Variants in SLFN14 observed in about 807,000 individuals in gnomAD.
The protein encoded by SLFN14 is schlafen family member 14, also known as protein SLFN14.
SLFN14 carries 47 observed loss-of-function variants against 58.6 expected under a neutral mutation model. That is an observed-to-expected ratio of 0.80 (90% CI 0.64 to 1.02). The LOEUF is 1.02. Ranked by LOEUF, SLFN14 falls within the 50% of genes least tolerant of loss-of-function variation. The pLI, the probability that SLFN14 is intolerant of heterozygous loss-of-function variation, is 0.00. For synonymous variants in SLFN14, 390 were observed against 387.3 expected, an observed-to-expected ratio of 1.01 and a Z score of -0.08; for missense variants, 967 against 1,078.4, an observed-to-expected ratio of 0.90 and a Z score of 1.45.
rs1229483295 is a variant in SLFN14, at chr17:35,553,251, T to C, written c.1383A>G (p.Ile461Met). 2 of 1,551,556 alleles carry C rather than the reference T, an allele frequency of 1.3e-6. No homozygotes were observed. Among genetic ancestry groups the C allele is most frequent in the African/African-American group, 1.4e-5 (1 of 73,028 alleles). ...EQNVLCDALLIAVNSPVVLYT... is the reference protein window; with the variant it reads ...EQNVLCDALLMAVNSPVVLYT... ...AGAGTACCACGGGGCTGTTAACTGC[T>C]ATCAGGAGAGCATCACACAGGACAT... Residue 461 changes from isoleucine (I) to methionine (M), a missense_variant, in exon 5 of 6, where the codon ATA becomes ATG. Ile to Met is a conservative substitution (Grantham distance 10). Coordinates refer to ENST00000674182, the MANE Select transcript of SLFN14 (RefSeq NM_001129820.2).
At chr17:35,560,392 C>G (rs1232426009) in intron 1 of SLFN14, among the ~76,000 whole-genome samples, 1 of 152,188 alleles carries the variant, frequency 6.6e-6, no homozygotes, top group African/African-American at 2.4e-5. Context: ...GTGGCACGAT[C>G]TCTTGGCTCA....
chr17:35,557,185 G>A lies in SLFN14; in HGVS notation c.878C>T (p.Thr293Ile), dbSNP rs778932655. The change falls in exon 3 of 6, where the codon ACT becomes ATT. Residue 293 changes from threonine to isoleucine, a missense_variant. Coordinates refer to ENST00000674182, the MANE Select transcript of SLFN14 (RefSeq NM_001129820.2). ...FCCEKPKVNFTTKILNVYQKD... is the reference protein window; with the variant it reads ...FCCEKPKVNFITKILNVYQKD... ...TTGGTACACATTCAGGATTTTTGTA[G>A]TGAAATTTACCTTTGGCTTCTCACA... is the stretch of plus-strand genomic sequence containing the variant. 40 of 1,551,600 alleles carry A rather than the reference G, an allele frequency of 2.6e-5. 1 individual carries two copies. Among genetic ancestry groups the A allele is most frequent in the Non-Finnish European group, 3.4e-5 (39 of 1,147,008 alleles).
rs1350939932 is a variant in SLFN14 at position 35,547,833 on chromosome 17, T to C, written c.*406A>G. Among the ~76,000 whole-genome samples, 1 of 152,122 alleles carries C rather than the reference T, an allele frequency of 6.6e-6. No individual in the cohort carries two copies. The highest frequency in any genetic ancestry group is 1.9e-4 in the East Asian group (1 of 5,194). ...GATGGAGATACAATAAAGGATGTGG[T>C]TGGGAGAGCAAGTCAGGGCATATTA... On this transcript the variant is annotated 3_prime_UTR_variant, in exon 6 of 6. Coordinates refer to ENST00000674182, the MANE Select transcript of SLFN14 (RefSeq NM_001129820.2).
chr17:35,551,520 T>C (rs899361430), intron 5 of SLFN14, among the ~76,000 whole-genome samples: 1 of 152,218 alleles, frequency 6.6e-6, no homozygotes, highest in Non-Finnish European at 1.5e-5. Context: ...TTCTTCCTTT[T>C]GTTATCGGAG....
rs1414584873 is a variant in SLFN14, at chr17:35,557,643, G to A, written c.420C>T (p.Asn140=). The change falls in exon 3 of 6, where the codon AAC becomes AAT. Residue 140 remains asparagine (N), a synonymous_variant. Coordinates refer to ENST00000674182, the MANE Select transcript of SLFN14 (RefSeq NM_001129820.2). ...GCTCCAGGGCACTGCTAGCACTCAA[G>A]TTGATAGCAGAAGTCACATCTCTCC... ...LYRRDVTSAI[N]LSASSALELL... 6.4e-7 allele frequency: 1 copy of A among 1,551,696 alleles called. No individual in the cohort carries two copies.
intron 3 of SLFN14, among the ~76,000 whole-genome samples, chr17:35,555,324 A>G (rs2072641254): frequency 6.6e-6 from 1 of 151,752 alleles, no homozygotes; most frequent in Non-Finnish European, 1.5e-5. Context: ...GTGAGCCGAG[A>G]TAGCGCCACT....
chr17:35,556,528 G>A (rs960635245), intron 3 of SLFN14, among the ~76,000 whole-genome samples: 2 of 152,172 alleles, frequency 1.3e-5, no homozygotes, highest in African/African-American at 4.8e-5. Flanking sequence ...GCTCACACCT[G>A]TAATCCCAGC....
chr17:35,557,488 T>C lies in SLFN14; in HGVS notation c.575A>G (p.Lys192Arg), dbSNP rs1268103718. The change falls in exon 3 of 6, where the codon AAA (lysine) becomes AGA (arginine). Residue 192 changes from lysine (K) to arginine (R), a missense_variant. Physicochemically the swap from Lys to Arg is conservative, Grantham distance 26. Coordinates refer to ENST00000674182, the MANE Select transcript of SLFN14 (RefSeq NM_001129820.2). ...DMRILASEFF[K>R]KDKLMYKEKL... ...CTCCTTATACATGAGTTTGTCCTTT[T>C]TAAAAAATTCTGAGGCCAATATCCT... 19 of 1,551,562 alleles carry C rather than the reference T, an allele frequency of 1.2e-5. No individual in the cohort carries two copies. The highest frequency in any genetic ancestry group is 1.7e-5 in the Non-Finnish European group (19 of 1,146,990).
chr17:35,554,820 T>C, intron 3 of SLFN14, 116 bp from the exon 4 acceptor site: 1 of 872,596 alleles, frequency 1.1e-6, no homozygotes, highest in Non-Finnish European at 1.6e-6. Flanking sequence ...CATGGGTGCC[T>C]GAGCAGTCGT....
intron 2 of SLFN14, 128 bp from the exon 3 acceptor site, chr17:35,558,234 T>G: frequency 1.5e-6 from 1 of 682,646 alleles, no homozygotes; most frequent in Non-Finnish European, 2.4e-6. Flanking sequence ...TATATGTATA[T>G]TTGTTGTTGT....
Position 35,547,531 on chromosome 17 carries a change from G to A in SLFN14, c.*708C>T, listed in dbSNP as rs982222509. Among the ~76,000 whole-genome samples the A allele has an allele frequency of 1.3e-5, 2 of 152,178 alleles. No homozygotes were observed. The highest frequency in any genetic ancestry group is 4.8e-5 in the African/African-American group (2 of 41,444). ...AGCATTTGACCCACTTATGACTATGGTCCTCACTATAAATTAACAGAGTAA... is the reference window on the plus strand; with the variant it reads ...AGCATTTGACCCACTTATGACTATGATCCTCACTATAAATTAACAGAGTAA... On this transcript the variant is annotated 3_prime_UTR_variant, in exon 6 of 6. Coordinates refer to ENST00000674182, the MANE Select transcript of SLFN14 (RefSeq NM_001129820.2).
Position 35,557,095 on chromosome 17 carries a change from G to C in SLFN14, c.968C>G (p.Ala323Gly). The stretch of plus-strand genomic sequence containing the variant: ...CATGATCCAGGAATCTGGGGCCTCT[G>C]CAAACACCACGCAACAGAAGGGCTC... ...QVEPFCCVVF[A>G]EAPDSWIMKD... The change falls in exon 3 of 6, where the codon GCA becomes GGA. Residue 323 changes from alanine to glycine, a missense_variant. Transcript: ENST00000674182. 1 of 1,551,640 alleles carries C rather than the reference G, an allele frequency of 6.4e-7. No individual in the cohort carries two copies. Among genetic ancestry groups the C allele is most frequent in the Non-Finnish European group, 8.7e-7 (1 of 1,146,974 alleles).
chr17:35,553,446 T>C lies in SLFN14; in HGVS notation c.1190-2A>G. On this transcript the variant is annotated splice_acceptor_variant, in intron 4 of 5. Coordinates refer to ENST00000674182, the MANE Select transcript of SLFN14 (RefSeq NM_001129820.2). LOFTEE classifies it high-confidence loss of function. ...TAAATTGTACCTCTTCCTGTGTCAC[T>C]GAAAATTCAAGGAATAGATGTTACC... is the stretch of plus-strand genomic sequence containing the variant. The C allele has an allele frequency of 6.5e-7, 1 of 1,527,224 alleles. No homozygotes were observed. The highest frequency in any genetic ancestry group is 8.8e-7 in the Non-Finnish European group (1 of 1,134,618). 94.6% of individuals were successfully genotyped at this position (1,527,224 alleles called of 1,614,324 possible). A position where few individuals can be genotyped will look rare whatever the true frequency, so the allele number is the denominator to read the frequency against.
chr17:35,552,078 T>C (rs2072594548), intron 5 of SLFN14, among the ~76,000 whole-genome samples: 1 of 152,148 alleles, frequency 6.6e-6, no homozygotes, highest in Non-Finnish European at 1.5e-5. Context: ...AATCCATGAG[T>C]AAAATCTACC....
chr17:35,546,793 G>C lies in SLFN14; in HGVS notation c.*1446C>G, dbSNP rs2072537662. On this transcript the variant is annotated 3_prime_UTR_variant, in exon 6 of 6. Coordinates refer to ENST00000674182, the MANE Select transcript of SLFN14 (RefSeq NM_001129820.2). ...AGGTAGTAGGCATTTGAAAAAGGAT[G>C]TGATTGCCAAGTAAGGATTTCAAAG... Among the ~76,000 whole-genome samples, 1 of 152,164 alleles carries C rather than the reference G, an allele frequency of 6.6e-6. No individual in the cohort carries two copies. The highest frequency in any genetic ancestry group is 1.5e-5 in the Non-Finnish European group (1 of 68,028).
In SLFN14 at chr17:35,549,004, G is replaced by T; in HGVS notation, c.1974C>A (p.His658Gln). Residue 658 changes from histidine (H) to glutamine (Q), a missense_variant, in exon 6 of 6, where the codon CAC (histidine) becomes CAA (glutamine). Physicochemically the swap from His to Gln is conservative, Grantham distance 24. Transcript: ENST00000674182. ...FMQGEFLKIK[H>Q]IVMDETENFC... is the part of the protein sequence containing the mutation. Reference sequence around the variant, plus strand: ...AATTCTCAGTCTCATCCATCACTATGTGTTTAATCTTTAGAAACTCCCCTT... The same window carrying T: ...AATTCTCAGTCTCATCCATCACTATTTGTTTAATCTTTAGAAACTCCCCTT... 6.4e-7 allele frequency: 1 copy of T among 1,551,670 alleles called. No homozygotes were observed. The highest frequency in any genetic ancestry group is 8.7e-7 in the Non-Finnish European group (1 of 1,146,992).
rs528917262 is a variant in SLFN14, at chr17:35,548,734, C to T, written c.2244G>A (p.Arg748=). 3.1e-5 allele frequency: 48 copies of T among 1,551,704 alleles called. No individual in the cohort carries two copies. The highest frequency in any genetic ancestry group is 3.9e-5 in the Non-Finnish European group (45 of 1,146,992). The change falls in exon 6 of 6, where the codon AGG becomes AGA. Residue 748 remains arginine (R), a synonymous_variant. Transcript: ENST00000674182. ...TGTTGGAGGGAGGATTTTCTTTGAT[C>T]CTCTTCATTTCTTCTTTCATAACCT... is the stretch of plus-strand genomic sequence containing the variant. ...IAKVMKEEMK[R]IKENPPSNMS... is the part of the protein sequence containing the mutation.
chr17:35,548,175 C>G lies in SLFN14; in HGVS notation c.*64G>C, dbSNP rs1183239810. The G allele has an allele frequency of 2.1e-6, 3 of 1,441,552 alleles. No individual in the cohort carries two copies. The highest frequency in any genetic ancestry group is 4.4e-5 in the Admixed American group (2 of 45,478). The allele number at this position is 1,441,552 out of a possible 1,614,324, so 89.3% of individuals were successfully genotyped here. A position where few individuals can be genotyped will look rare whatever the true frequency, so the allele number is the denominator to read the frequency against. ...CACTTGTAATATTAAAATGGAGTCACTGCTACCTGTCTAGGAGAAAGGACT... is the reference window on the plus strand; with the variant it reads ...CACTTGTAATATTAAAATGGAGTCAGTGCTACCTGTCTAGGAGAAAGGACT... On this transcript the variant is annotated 3_prime_UTR_variant, in exon 6 of 6. Coordinates refer to ENST00000674182, the MANE Select transcript of SLFN14 (RefSeq NM_001129820.2).
At chr17:35,556,903 A>C in intron 3 of SLFN14, 100 bp downstream of exon 3, 1 of 1,136,202 alleles carries the variant, frequency 8.8e-7, no homozygotes, top group Non-Finnish European at 1.2e-6. Flanking sequence ...AGAAAAATAA[A>C]TTTCTATTTT....
Sources: allele counts gnomAD v4.1 joint callset (sites outside exome capture counted in the v4.1 genomes callset), GRCh38; gene constraint gnomAD v4.1.1; transcripts MANE v1.5; gene names NCBI Gene and HGNC (gene_info 2026-07-23, HGNC 2026-07-21).